PHACTR1: variants seen among roughly 807,000 people sequenced by gnomAD.
The protein encoded by PHACTR1 is RPEL repeat containing 1.
Under a neutral mutation model 69.2 loss-of-function variants are expected in PHACTR1, and 16 were observed. The ratio of observed to expected loss-of-function variants is 0.23; its 90% CI spans 0.16 to 0.35. The LOEUF (loss-of-function observed/expected upper bound fraction) is 0.35, where lower values mean the gene tolerates loss of function less well. PHACTR1 is among the 10% of genes least tolerant of loss of function. The pLI is 1.00. For synonymous variants in PHACTR1, 312 were observed against 284.5 expected, an observed-to-expected ratio of 1.10 and a Z score of -0.97; for missense variants, 510 against 734.7, an observed-to-expected ratio of 0.69 and a Z score of 3.54.
chr6:12,944,861 C>T (rs6905419), intron 4 of PHACTR1, among the ~76,000 whole-genome samples: 46,511 of 150,914 alleles, frequency 0.31, 7,572 homozygotes, highest in African/African-American at 0.4. Context: ...CGGCTCACTG[C>T]GAGCTCCGCC....
At chr6:12,917,393 G>A in intron 4 of PHACTR1, among the ~76,000 whole-genome samples, 1 of 152,178 alleles carries the variant, frequency 6.6e-6, no homozygotes, top group Non-Finnish European at 1.5e-5. Flanking sequence ...CAGGGATCAT[G>A]CCATCTCGGA....
At chr6:13,124,535 C>A (rs1819224720) in intron 5 of PHACTR1, among the ~76,000 whole-genome samples, 1 of 152,156 alleles carries the variant, frequency 6.6e-6, no homozygotes, top group African/African-American at 2.4e-5. Flanking sequence ...TAAGACAGTT[C>A]AAAATTGCCT....
chr6:13,211,380 G>A (rs781529398), intron 8 of PHACTR1, among the ~76,000 whole-genome samples: 5 of 151,726 alleles, frequency 3.3e-5, no homozygotes, highest in Non-Finnish European at 7.4e-5. Flanking sequence ...AGTAAGCTCC[G>A]TGATCTAGTT....
intron 4 of PHACTR1, among the ~76,000 whole-genome samples, chr6:12,844,863 G>A (rs1038363453): frequency 2.0e-5 from 3 of 152,086 alleles, no homozygotes; most frequent in African/African-American, 7.2e-5. Context: ...CGTGGGCCTA[G>A]AAGAAAAACC....
chr6:12,951,981 C>G (rs768048672), intron 4 of PHACTR1, among the ~76,000 whole-genome samples: 67 of 152,118 alleles, frequency 4.4e-4, no homozygotes, highest in Non-Finnish European at 8.8e-4. Flanking sequence ...ACTGACAACC[C>G]AGTGAAAAAC....
chr6:13,119,353 A>G (rs1418569570), intron 5 of PHACTR1, among the ~76,000 whole-genome samples: 1 of 152,250 alleles, frequency 6.6e-6, no homozygotes, highest in Non-Finnish European at 1.5e-5. Context: ...TATAAAGTTT[A>G]CCAATTTCAT....
chr6:13,162,582 T>A (rs1759209006), intron 6 of PHACTR1, among the ~76,000 whole-genome samples: 1 of 152,230 alleles, frequency 6.6e-6, no homozygotes, highest in South Asian at 2.1e-4. Flanking sequence ...CAGCCAAAAC[T>A]TGTTCAGATC....
intron 5 of PHACTR1, among the ~76,000 whole-genome samples, chr6:13,137,705 A>G (rs1468673411): frequency 6.6e-6 from 1 of 152,278 alleles, no homozygotes; most frequent in Non-Finnish European, 1.5e-5. Context: ...GATTGAGGCC[A>G]TTGCTGGCAT....
At chr6:13,284,577 C>T (rs557479303) in intron 13 of PHACTR1, among the ~76,000 whole-genome samples, 37 of 97,526 alleles carry the variant, frequency 3.8e-4, no homozygotes, top group Middle Eastern at 6.8e-3. Context: ...TATAGATACA[C>T]GTATATATAT....
At chr6:13,276,471 C>T (rs1383231858) in intron 11 of PHACTR1, among the ~76,000 whole-genome samples, 1 of 147,846 alleles carries the variant, frequency 6.8e-6, no homozygotes, top group Non-Finnish European at 1.5e-5. Flanking sequence ...GGTTTCCTTC[C>T]TTTAAAGACC....
chr6:13,217,353 G>C (rs1046781047), intron 8 of PHACTR1, among the ~76,000 whole-genome samples: 1 of 152,200 alleles, frequency 6.6e-6, no homozygotes, highest in African/African-American at 2.4e-5. Context: ...CTGACTCTCT[G>C]TCCTGCCTTT....
intron 5 of PHACTR1, among the ~76,000 whole-genome samples, chr6:13,149,136 G>A (rs894195484): frequency 1.9e-4 from 29 of 152,100 alleles, no homozygotes; most frequent in Non-Finnish European, 7.4e-5. Flanking sequence ...CCTCCCTGGT[G>A]CCTTTTTACA....
chr6:13,272,824 T>A (rs533376507), intron 10 of PHACTR1, 36 bp from the exon 11 acceptor site: 1 of 1,614,056 alleles, frequency 6.2e-7, no homozygotes, highest in Admixed American at 1.7e-5. Flanking sequence ...GAGGCTATGA[T>A]ATGGTCCAAA....
At chr6:12,862,184 G>A (rs1207780874) in intron 4 of PHACTR1, among the ~76,000 whole-genome samples, 2 of 152,206 alleles carry the variant, frequency 1.3e-5, no homozygotes, top group Admixed American at 1.3e-4. Context: ...TGTGTGGGCT[G>A]ACTGTAAAGC....
intron 5 of PHACTR1, among the ~76,000 whole-genome samples, chr6:13,094,903 C>T (rs1813916731): frequency 6.6e-6 from 1 of 152,138 alleles, no homozygotes; most frequent in South Asian, 2.1e-4. Flanking sequence ...CGTGGAAGCC[C>T]TTACTACCAG....
chr6:13,192,590 C>T (rs952324475), intron 7 of PHACTR1, among the ~76,000 whole-genome samples: 1 of 152,188 alleles, frequency 6.6e-6, no homozygotes, highest in African/African-American at 2.4e-5. Context: ...TTCAGCCAAG[C>T]ATGTCTCTCA....
chr6:13,182,654 T>G lies in PHACTR1; in HGVS notation c.632T>G (p.Val211Gly). ...CCCAGGGATCCCTGCTCATATGAGG[T>G]GCTCCAACCGTCAGACATCATGGAT... is the stretch of plus-strand genomic sequence containing the variant. ...PMPRDPCSYE[V>G]LQPSDIMDGP... Residue 211 changes from valine to glycine, a missense_variant, in exon 7 of 15, where the codon GTG becomes GGG. Transcript: ENST00000332995. 1 of 1,585,492 alleles carries G rather than the reference T, an allele frequency of 6.3e-7. No individual in the cohort carries two copies. The highest frequency in any genetic ancestry group is 1.2e-5 in the South Asian group (1 of 86,550).
At chr6:12,801,121 A>G (rs1328781449) in intron 4 of PHACTR1, among the ~76,000 whole-genome samples, 1 of 152,218 alleles carries the variant, frequency 6.6e-6, no homozygotes, top group African/African-American at 2.4e-5. Flanking sequence ...TGTGCCTTAA[A>G]TTAATCATTT....
At chr6:13,191,263 A>G (rs777161703) in intron 7 of PHACTR1, among the ~76,000 whole-genome samples, 1 of 152,192 alleles carries the variant, frequency 6.6e-6, no homozygotes, top group Non-Finnish European at 1.5e-5. Flanking sequence ...GAATGTTTGC[A>G]TAGAAGTCTC....
Sources: gnomAD v4.1 joint callset for allele counts (sites outside exome capture counted in the v4.1 genomes callset) on GRCh38, gnomAD v4.1.1 for gene constraint, MANE v1.5 for transcripts, NCBI Gene and HGNC (gene_info 2026-07-23, HGNC 2026-07-21) for gene names.